PCDHGA2: variants seen among roughly 807,000 people sequenced by gnomAD.
The protein encoded by PCDHGA2 is protocadherin gamma subfamily A, 2.
Under a neutral mutation model 59.2 loss-of-function variants are expected in PCDHGA2, and 40 were observed. The observed-to-expected ratio is 0.68, with a 90% CI of 0.52 to 0.88. PCDHGA2 has a LOEUF of 0.88. Among genes scored for constraint, PCDHGA2 ranks in the 40% least tolerant of loss-of-function variants. The pLI, the probability that PCDHGA2 is intolerant of heterozygous loss-of-function variation, is 0.00. For missense variants in PCDHGA2, 1,226 were observed against 1,204.0 expected, an observed-to-expected ratio of 1.02 and a Z score of -0.27; for synonymous variants, 560 against 526.0, an observed-to-expected ratio of 1.06 and a Z score of -0.89.
Position 141,339,539 on chromosome 5 carries a change from A to C in PCDHGA2, c.568A>C (p.Lys190Gln). 1.2e-6 allele frequency: 2 copies of C among 1,614,136 alleles called. No homozygotes were observed. The highest frequency in any genetic ancestry group is 1.7e-6 in the Non-Finnish European group (2 of 1,180,026). ...LDVRRGADGNKYPELVLERSL... is the reference protein window; with the variant it reads ...LDVRRGADGNQYPELVLERSL... The stretch of plus-strand genomic sequence containing the variant: ...CGTGCGAAGGGGAGCTGATGGGAAC[A>C]AGTACCCAGAACTGGTGCTGGAGCG... The change falls in exon 1 of 4, where the codon AAG becomes CAG. Residue 190 changes from lysine to glutamine, a missense_variant. Coordinates refer to ENST00000394576, the MANE Select transcript of PCDHGA2 (RefSeq NM_018915.4).
At chr5:141,478,694 T>A (rs2099472305) in intron 1 of PCDHGA2, 1 of 1,550,598 alleles carries the variant, frequency 6.4e-7, no homozygotes, top group Admixed American at 2.0e-5. Flanking sequence ...TAGATCAAAG[T>A]TAGTGCCTTT....
At chr5:141,423,139 G>T (rs2096713828) in intron 1 of PCDHGA2, 4 of 1,613,498 alleles carry the variant, frequency 2.5e-6, no homozygotes, top group Non-Finnish European at 3.4e-6. Flanking sequence ...GGACAGAGAC[G>T]CGCTCAAGCA....
chr5:141,397,967 C>T (rs931333276), intron 1 of PCDHGA2: 2 of 1,110,472 alleles, frequency 1.8e-6, no homozygotes, highest in Non-Finnish European at 2.5e-6. Context: ...CTCAGACTCC[C>T]CAGCGCCGGC....
intron 1 of PCDHGA2, chr5:141,433,201 CTTCT>C (rs759014851): frequency 3.9e-5 from 61 of 1,573,466 alleles, no homozygotes; most frequent in Admixed American, 1.2e-4. Flanking sequence ...TATATCAAAT[CTTCT>C]TTCTTTTTTT....
At chr5:141,414,395 G>GAAAAGTCC (rs1226242642) in intron 1 of PCDHGA2, 1 of 1,613,924 alleles carries the variant, frequency 6.2e-7, no homozygotes, top group South Asian at 1.1e-5. Context: ...AGTTATTACA[G>GAAAAGTCC]ATTGGTGATA....
intron 1 of PCDHGA2, chr5:141,414,961 G>T: frequency 6.2e-7 from 1 of 1,614,028 alleles, no homozygotes; most frequent in South Asian, 1.1e-5. Flanking sequence ...GACCAAGGTG[G>T]TGGCGGTGGA....
intron 2 of PCDHGA2, among the ~76,000 whole-genome samples, chr5:141,495,725 C>G (rs1339925752): frequency 1.3e-5 from 2 of 151,986 alleles, no homozygotes; most frequent in African/African-American, 4.8e-5. Flanking sequence ...TACACGGGAC[C>G]CTTAGTCTCT....
Position 141,511,250 on chromosome 5 carries a change from CAG to C in PCDHGA2, c.*80_*81del. 2 of 1,571,674 alleles carry C rather than the reference CAG, an allele frequency of 1.3e-6. No homozygotes were observed. Among genetic ancestry groups the C allele is most frequent in the Non-Finnish European group, 1.7e-6 (2 of 1,158,794 alleles). On this transcript the variant is annotated 3_prime_UTR_variant, in exon 4 of 4. Transcript: ENST00000394576. ...CTTCTCCTTACCTGCACCCAGGCCT[CAG>C]AGTTTCAGGGCTAACCCCCAGAATA...
rs144317211 is a variant in PCDHGA2 at position 141,432,088 on chromosome 5, A to G, written c.2425-62719A>G. On this transcript the variant is annotated intron_variant, in intron 1 of 3. Transcript: ENST00000394576. This position sits in a 1 kb window ranked among gnomAD's most constrained non-coding sequence, Gnocchi z 6.0. Reference sequence around the variant, plus strand: ...AAACTCATATCTCGCTGAACGTGGCAGACACCAACGACAACCCGCCGGTCT... The same window carrying G: ...AAACTCATATCTCGCTGAACGTGGCGGACACCAACGACAACCCGCCGGTCT... The G allele has an allele frequency of 6.2e-7, 1 of 1,614,148 alleles. No individual in the cohort carries two copies. Among genetic ancestry groups the G allele is most frequent in the South Asian group, 1.1e-5 (1 of 91,074 alleles).
chr5:141,508,026 T>A (rs972124070), intron 3 of PCDHGA2: 3 of 152,314 alleles, frequency 2.0e-5, no homozygotes, highest in African/African-American at 7.2e-5. Context: ...GGCTGCGGTT[T>A]GCAGCTCAGC....
chr5:141,375,114 T>G, intron 1 of PCDHGA2: 1 of 1,613,970 alleles, frequency 6.2e-7, no homozygotes, highest in African/African-American at 1.3e-5. Context: ...AATGATAATG[T>G]ACCAGAAGTG....
intron 1 of PCDHGA2, among the ~76,000 whole-genome samples, chr5:141,438,615 T>C (rs566173071): frequency 5.6e-5 from 2 of 35,920 alleles, no homozygotes; most frequent in Admixed American, 4.1e-4. Flanking sequence ...TATATATATA[T>C]ATATATATAT....
intron 1 of PCDHGA2, chr5:141,374,905 C>CG (rs1561564899): frequency 1.9e-6 from 3 of 1,613,734 alleles, no homozygotes; most frequent in Non-Finnish European, 2.5e-6. Context: ...AAGGAGTCCA[C>CG]GGGGAAGTAA....
At chr5:141,498,967 GGGAGGGAA>G (rs1395523211) in intron 2 of PCDHGA2, among the ~76,000 whole-genome samples, 34 of 129,670 alleles carry the variant, frequency 2.6e-4, no homozygotes, top group Admixed American at 1.5e-3. Flanking sequence ...GAGGGAGGGA[GGGAGGGAA>G]GGAAGGAAGG....
intron 1 of PCDHGA2, chr5:141,389,052 T>C (rs769661783): frequency 9.5e-5 from 153 of 1,613,794 alleles, no homozygotes; most frequent in Non-Finnish European, 8.5e-5. Flanking sequence ...TGATGTTCCA[T>C]TTAAAATATT....
Position 141,491,665 on chromosome 5 carries a change from C to G in PCDHGA2, c.2425-3142C>G. The stretch of plus-strand genomic sequence containing the variant: ...TCTGGCGCTGGAGCCTGACGCCATC[C>G]GGTCCCGCTCTAATACGCTGCGGGA... On this transcript the variant is annotated intron_variant, in intron 1 of 3. Transcript: ENST00000394576. This position sits in a 1 kb window ranked among gnomAD's most constrained non-coding sequence, Gnocchi z 6.9. 1 of 1,613,764 alleles carries G rather than the reference C, an allele frequency of 6.2e-7. No homozygotes were observed. Among genetic ancestry groups the G allele is most frequent in the Non-Finnish European group, 8.5e-7 (1 of 1,180,000 alleles).
rs188117490 is a variant in PCDHGA2 at position 141,507,256 on chromosome 5, C to G, written c.2572+1775C>G. 3 of 152,178 alleles carry G rather than the reference C, an allele frequency of 2.0e-5. No individual in the cohort carries two copies. In the East Asian group the frequency reaches 5.8e-4, roughly 29 times the overall value. The allele number at this position is 152,178 out of a possible 1,614,324, so 9.4% of individuals were successfully genotyped here. ...CAGTTACAGTTGAATGTCAGATAAA[C>G]AGCAAGTACTATTTCAGCATAAGTC... On this transcript the variant is annotated intron_variant, in intron 3 of 3. Coordinates refer to ENST00000394576, the MANE Select transcript of PCDHGA2 (RefSeq NM_018915.4).
chr5:141,394,528 C>A (rs1465272752), intron 1 of PCDHGA2: 1 of 1,614,214 alleles, frequency 6.2e-7, no homozygotes, highest in Non-Finnish European at 8.5e-7. Flanking sequence ...ACAGACGGTT[C>A]CACTGGCGTG....
intron 1 of PCDHGA2, among the ~76,000 whole-genome samples, chr5:141,445,885 G>A (rs1171777990): frequency 1.3e-5 from 2 of 152,148 alleles, no homozygotes; most frequent in African/African-American, 4.8e-5. Flanking sequence ...CTTGTACTTA[G>A]GAGCTATTAA....
Sources: gnomAD v4.1 joint callset for allele counts (sites outside exome capture counted in the v4.1 genomes callset) on GRCh38, gnomAD v4.1.1 for gene constraint, Gnocchi (gnomAD v3.1) non-coding constraint, MANE v1.5 for transcripts, NCBI Gene and HGNC (gene_info 2026-07-23, HGNC 2026-07-21) for gene names.